ZNF704: variants seen among roughly 807,000 people sequenced by gnomAD.
ZNF704 encodes the protein glucocorticoid induced gene 1.
In ZNF704, 10 loss-of-function variants were observed where a neutral mutation model predicts 44.7. The ratio of observed to expected loss-of-function variants is 0.22; its 90% CI spans 0.14 to 0.38. The LOEUF (loss-of-function observed/expected upper bound fraction) is 0.38. Ranked by LOEUF, ZNF704 falls within the 10% of genes least tolerant of loss-of-function variation. The pLI, the probability that ZNF704 is intolerant of heterozygous loss-of-function variation, is 1.00. For synonymous variants in ZNF704, 211 were observed against 207.6 expected, an observed-to-expected ratio of 1.02 and a Z score of -0.14; for missense variants, 390 against 545.5, an observed-to-expected ratio of 0.71 and a Z score of 2.84.
intron 3 of ZNF704, among the ~76,000 whole-genome samples, chr8:80,691,003 C>T (rs554027773): frequency 4.6e-4 from 69 of 150,582 alleles, no homozygotes; most frequent in African/African-American, 1.5e-3. Context: ...AGCGAGACTC[C>T]ATCTCAAATT....
chr8:80,649,599 T>G (rs1207809958), intron 7 of ZNF704, among the ~76,000 whole-genome samples: 1 of 152,118 alleles, frequency 6.6e-6, no homozygotes, highest in Non-Finnish European at 1.5e-5. Context: ...AACTGCAAGG[T>G]GGCAGTGAGG....
At chr8:80,779,638 G>C (rs776862629) in intron 2 of ZNF704, among the ~76,000 whole-genome samples, 1 of 151,808 alleles carries the variant, frequency 6.6e-6, no homozygotes, top group Non-Finnish European at 1.5e-5. Context: ...ATCTTCACTT[G>C]TCTCTCAAAA....
chr8:80,682,755 G>C (rs977762552), intron 4 of ZNF704, among the ~76,000 whole-genome samples: 8 of 152,218 alleles, frequency 5.3e-5, no homozygotes, highest in African/African-American at 1.9e-4. Context: ...GAAAGGCAAA[G>C]TATTAGCAGC....
rs527826792 is a variant in ZNF704, at chr8:80,874,540, A to G, written c.-22+31T>C. On this transcript the variant is annotated intron_variant, in intron 1 of 8. Coordinates refer to ENST00000327835, the MANE Select transcript of ZNF704 (RefSeq NM_001033723.3). The surrounding 1 kb of genome is among the most constrained non-coding windows in gnomAD (Gnocchi z 4.4). ...ACCCTCCGGTCCCCCCGCTCAGACA[A>G]AACCCGGACTGGATTTTTTTTTTCT... 1 of 151,568 alleles carries G rather than the reference A, an allele frequency of 6.6e-6. No homozygotes were observed. Among genetic ancestry groups the G allele is most frequent in the African/African-American group, 2.4e-5 (1 of 41,342 alleles). The allele number at this position is 151,568 out of a possible 1,614,324, so 9.4% of individuals were successfully genotyped here.
chr8:80,650,007 A>G (rs1298297530), intron 7 of ZNF704, among the ~76,000 whole-genome samples: 3 of 152,194 alleles, frequency 2.0e-5, no homozygotes, highest in South Asian at 4.1e-4. Context: ...CTGTTCACCA[A>G]TAACCACTGT....
intron 2 of ZNF704, among the ~76,000 whole-genome samples, chr8:80,765,880 T>C (rs778479334): frequency 2.0e-5 from 3 of 152,176 alleles, no homozygotes; most frequent in Admixed American, 2.0e-4. Flanking sequence ...CGAGTATCCA[T>C]TAAAAGCCAG....
intron 1 of ZNF704, among the ~76,000 whole-genome samples, chr8:80,867,711 TGCTGCACAGTTC>T (rs1457889239): frequency 1.3e-5 from 2 of 152,226 alleles, no homozygotes; most frequent in Non-Finnish European, 2.9e-5. Context: ...ATTCAGTGTT[TGCTGCACAGTTC>T]CTGCCAAAGG....
At chr8:80,671,293 A>C (rs1818274535) in intron 4 of ZNF704, among the ~76,000 whole-genome samples, 1 of 152,098 alleles carries the variant, frequency 6.6e-6, no homozygotes, top group Admixed American at 6.5e-5. Flanking sequence ...ATGCCTAGCT[A>C]ATTTTTTGTA....
intron 1 of ZNF704, among the ~76,000 whole-genome samples, chr8:80,840,440 C>G (rs182488123): frequency 2.0e-5 from 3 of 152,138 alleles, no homozygotes; most frequent in Admixed American, 2.0e-4. Context: ...ATTGGACACC[C>G]CCGCTCTAAA....
chr8:80,693,937 G>A (rs1818683027), intron 2 of ZNF704, among the ~76,000 whole-genome samples: 1 of 152,164 alleles, frequency 6.6e-6, no homozygotes, highest in African/African-American at 2.4e-5. Context: ...AGAATAGAAG[G>A]AGGGAGGCCA....
rs73262569 is a variant in ZNF704 at position 80,810,179 on chromosome 8, T to C, written c.221+11195A>G. On this transcript the variant is annotated intron_variant, in intron 2 of 8. Coordinates refer to ENST00000327835, the MANE Select transcript of ZNF704 (RefSeq NM_001033723.3). ...GCCCACAGGGTACCAGGTGACATTT[T>C]TGAAATGCCAATCTTACGGTATCAC... is the stretch of plus-strand genomic sequence containing the variant. Among the ~76,000 whole-genome samples, 957 of 152,318 alleles carry C rather than the reference T, an allele frequency of 6.3e-3. 10 individuals are homozygous for C. The highest frequency in any genetic ancestry group is 0.022 in the African/African-American group (894 of 41,568).
upstream of ZNF704, among the ~76,000 whole-genome samples, chr8:80,878,092 C>A (rs1046283756): frequency 6.6e-6 from 1 of 152,104 alleles, no homozygotes; most frequent in African/African-American, 2.4e-5. Context: ...TGCGGAAGAA[C>A]GAGAGTAGGC....
At chr8:80,731,321 T>C (rs1216995771) in intron 2 of ZNF704, among the ~76,000 whole-genome samples, 1 of 152,230 alleles carries the variant, frequency 6.6e-6, no homozygotes, top group East Asian at 1.9e-4. Flanking sequence ...GAGCTGGGTA[T>C]ATATCAAATT....
chr8:80,846,598 G>A (rs1008228121), intron 1 of ZNF704, among the ~76,000 whole-genome samples: 2 of 152,036 alleles, frequency 1.3e-5, no homozygotes, highest in African/African-American at 4.8e-5. Flanking sequence ...CAAAGAAGGA[G>A]GTATTTTCTA....
intron 2 of ZNF704, among the ~76,000 whole-genome samples, chr8:80,786,889 A>G (rs1035612025): frequency 6.6e-6 from 1 of 152,262 alleles, no homozygotes. Context: ...CCAGAAGATC[A>G]GGATTTATTA....
chr8:80,771,300 A>C (rs1433965176), intron 2 of ZNF704, among the ~76,000 whole-genome samples: 1 of 150,608 alleles, frequency 6.6e-6, no homozygotes, highest in Non-Finnish European at 1.5e-5. Flanking sequence ...GTGAGAATTG[A>C]CTATTATTAC....
At chr8:80,794,979 A>G (rs968830266) in intron 2 of ZNF704, among the ~76,000 whole-genome samples, 13 of 152,258 alleles carry the variant, frequency 8.5e-5, no homozygotes, top group African/African-American at 3.1e-4. Flanking sequence ...AGCATTGCAC[A>G]GAGACAGAAG....
chr8:80,800,468 C>T (rs1204527294), intron 2 of ZNF704, among the ~76,000 whole-genome samples: 1 of 152,152 alleles, frequency 6.6e-6, no homozygotes, highest in East Asian at 1.9e-4. Flanking sequence ...GACCTCTCAG[C>T]AGAAACCGTA....
Position 80,687,920 on chromosome 8 carries a change from T to C in ZNF704, c.326-462A>G, listed in dbSNP as rs745707575. Among the ~76,000 whole-genome samples, 6 of 152,294 alleles carry C rather than the reference T, an allele frequency of 3.9e-5. No individual in the cohort carries two copies. The South Asian group carries it at 1.2e-3, about 32-fold the overall frequency. On this transcript the variant is annotated intron_variant, in intron 3 of 8. Coordinates refer to ENST00000327835, the MANE Select transcript of ZNF704 (RefSeq NM_001033723.3). ...TTCAACATTTTTTTAAAAAGGGATT[T>C]CTTAGCTGAGGGCAGTGGCTCACTT... is the stretch of plus-strand genomic sequence containing the variant.
Sources: gnomAD v4.1 joint callset for allele counts (sites outside exome capture counted in the v4.1 genomes callset) on GRCh38, gnomAD v4.1.1 for gene constraint, Gnocchi (gnomAD v3.1) non-coding constraint, MANE v1.5 for transcripts, NCBI Gene and HGNC (gene_info 2026-07-23, HGNC 2026-07-21) for gene names.